CADM2: variants seen among roughly 807,000 people sequenced by gnomAD.
CADM2 encodes immunoglobulin superfamily member 4D.
CADM2 carries 12 observed loss-of-function variants against 49.8 expected under a neutral mutation model. The ratio of observed to expected loss-of-function variants is 0.24; its 90% CI spans 0.15 to 0.39. CADM2 has a LOEUF of 0.39. CADM2 is among the 10% of genes least tolerant of loss of function. CADM2 has a pLI of 1.00. For missense variants in CADM2, 378 were observed against 492.3 expected, an observed-to-expected ratio of 0.77 and a Z score of 2.20; for synonymous variants, 214 against 175.4, an observed-to-expected ratio of 1.22 and a Z score of -1.74.
chr3:84,990,249 G>C (rs1384579844), intron 1 of CADM2, among the ~76,000 whole-genome samples: 1 of 151,314 alleles, frequency 6.6e-6, no homozygotes, highest in Non-Finnish European at 1.5e-5. Flanking sequence ...CCATATCAGA[G>C]TTTCTTAGTA....
At chr3:85,855,649 C>T (rs192621853) in intron 3 of CADM2, among the ~76,000 whole-genome samples, 19 of 123,694 alleles carry the variant, frequency 1.5e-4, no homozygotes, top group East Asian at 1.0e-3. Flanking sequence ...TATTTTGAGA[C>T]GGAGTTTCGC....
chr3:85,158,102 A>C (rs2040197861), intron 1 of CADM2, among the ~76,000 whole-genome samples: 1 of 152,240 alleles, frequency 6.6e-6, no homozygotes, highest in Admixed American at 6.5e-5. Context: ...GCTCACCATC[A>C]CTGGCCATCA....
At chr3:85,616,078 A>G (rs367817577) in intron 1 of CADM2, among the ~76,000 whole-genome samples, 4 of 152,092 alleles carry the variant, frequency 2.6e-5, no homozygotes, top group East Asian at 1.9e-4. Flanking sequence ...CTGAATTGAA[A>G]GAGCCTCGAG....
chr3:85,470,600 G>A (rs573907518), intron 1 of CADM2, among the ~76,000 whole-genome samples: 1 of 152,170 alleles, frequency 6.6e-6, no homozygotes, highest in Non-Finnish European at 1.5e-5. Context: ...TTTTTGGATA[G>A]ATAAAATAAA....
chr3:85,198,807 T>A (rs1246099207), intron 1 of CADM2, among the ~76,000 whole-genome samples: 1 of 151,942 alleles, frequency 6.6e-6, no homozygotes, highest in Non-Finnish European at 1.5e-5. Flanking sequence ...CCAGTTTTTT[T>A]ATAATTAACA....
intron 1 of CADM2, among the ~76,000 whole-genome samples, chr3:85,535,886 G>A (rs73130366): frequency 0.51 from 77,694 of 151,732 alleles, 22,939 homozygotes; most frequent in East Asian, 0.85. Context: ...GCTGTCGTAT[G>A]GTAATGCTGT....
intron 1 of CADM2, among the ~76,000 whole-genome samples, chr3:85,430,878 T>G (rs1162824943): frequency 6.6e-6 from 1 of 152,068 alleles, no homozygotes; most frequent in Non-Finnish European, 1.5e-5. Context: ...TTTGGCCTAT[T>G]AAAGGAGCAG....
intron 1 of CADM2, among the ~76,000 whole-genome samples, chr3:85,204,407 G>A (rs774863764): frequency 3.3e-5 from 5 of 152,028 alleles, no homozygotes; most frequent in Admixed American, 6.6e-5. Context: ...CCCTACTTTA[G>A]ATCATTTCTT....
At chr3:84,971,333 T>C (rs2031416870) in intron 1 of CADM2, among the ~76,000 whole-genome samples, 1 of 152,154 alleles carries the variant, frequency 6.6e-6, no homozygotes, top group African/African-American at 2.4e-5. Context: ...ATAAGTAACA[T>C]GAAAAAGAAG....
rs140167864 is a variant in CADM2 at position 85,011,879 on chromosome 3, A to G, written c.61+52211A>G. Among the ~76,000 whole-genome samples, 11 of 152,312 alleles carry G rather than the reference A, an allele frequency of 7.2e-5. No homozygotes were observed. In the East Asian group the frequency reaches 2.1e-3, roughly 29 times the overall value. On this transcript the variant is annotated intron_variant, in intron 1 of 9. Coordinates refer to ENST00000383699, the MANE Select transcript of CADM2 (RefSeq NM_001167675.2). ...AAAGAAAGACCCTGTCTCAAAAAATAAATAAATAAAATAAAACTTAAGATA... is the reference window on the plus strand; with the variant it reads ...AAAGAAAGACCCTGTCTCAAAAAATGAATAAATAAAATAAAACTTAAGATA...
At chr3:85,183,856 C>T (rs971524060) in intron 1 of CADM2, among the ~76,000 whole-genome samples, 2 of 152,024 alleles carry the variant, frequency 1.3e-5, no homozygotes, top group African/African-American at 4.8e-5. Flanking sequence ...GAGAATGATG[C>T]AACTCAATGC....
intron 1 of CADM2, among the ~76,000 whole-genome samples, chr3:85,118,845 G>C (rs1357190221): frequency 6.6e-6 from 1 of 152,184 alleles, no homozygotes; most frequent in Admixed American, 6.5e-5. Flanking sequence ...TGCCTCCTGG[G>C]TTCAAGCGAT....
intron 1 of CADM2, among the ~76,000 whole-genome samples, chr3:85,113,777 C>A (rs1333347232): frequency 6.7e-6 from 1 of 149,384 alleles, no homozygotes; most frequent in Non-Finnish European, 1.5e-5. Flanking sequence ...GTGGAAAGGA[C>A]TTTAGAAAGG....
chr3:84,984,367 A>G (rs2032416458), intron 1 of CADM2, among the ~76,000 whole-genome samples: 1 of 82,312 alleles, frequency 1.2e-5, no homozygotes, highest in African/African-American at 3.5e-5. Context: ...AAAAAAAAAA[A>G]AAAAAAAAAA....
intron 1 of CADM2, among the ~76,000 whole-genome samples, chr3:85,712,152 T>G (rs576472293): frequency 6.6e-6 from 1 of 152,236 alleles, no homozygotes; most frequent in Admixed American, 6.5e-5. Flanking sequence ...AGTTACAGAA[T>G]AATGTTACTA....
chr3:85,406,018 T>G (rs905723565), intron 1 of CADM2, among the ~76,000 whole-genome samples: 1 of 152,102 alleles, frequency 6.6e-6, no homozygotes, highest in African/African-American at 2.4e-5. Flanking sequence ...GCATTATATA[T>G]AGAGAAAAAT....
chr3:84,998,418 G>T (rs2033285939), intron 1 of CADM2, among the ~76,000 whole-genome samples: 1 of 152,086 alleles, frequency 6.6e-6, no homozygotes, highest in Non-Finnish European at 1.5e-5. Flanking sequence ...CCCTTTTAAT[G>T]CCTGAAGTAC....
intron 1 of CADM2, among the ~76,000 whole-genome samples, chr3:85,699,307 G>A (rs1031376784): frequency 7.2e-5 from 11 of 152,016 alleles, no homozygotes; most frequent in South Asian, 2.1e-4. Context: ...GGAGGATGGC[G>A]GCCCCCTTCT....
At chr3:85,345,579 T>C (rs1300013082) in intron 1 of CADM2, among the ~76,000 whole-genome samples, 1 of 152,084 alleles carries the variant, frequency 6.6e-6, no homozygotes, top group Admixed American at 6.6e-5. Context: ...TGTGGAACTT[T>C]CCACAAAATT....
Sources: gnomAD v4.1 joint callset for allele counts (sites outside exome capture counted in the v4.1 genomes callset) on GRCh38, gnomAD v4.1.1 for gene constraint, MANE v1.5 for transcripts, NCBI Gene and HGNC (gene_info 2026-07-23, HGNC 2026-07-21) for gene names.